ADGRF1: variants seen among roughly 807,000 people sequenced by gnomAD.
The protein encoded by ADGRF1 is G protein-coupled receptor 110.
Under a neutral mutation model 87.2 loss-of-function variants are expected in ADGRF1, and 85 were observed. The ratio of observed to expected loss-of-function variants is 0.97; its 90% confidence interval spans 0.82 to 1.17. ADGRF1 has a LOEUF of 1.17. Ranked by LOEUF, ADGRF1 falls within the 50% of genes most tolerant of loss-of-function variation. ADGRF1 has a pLI of 0.00. For missense variants in ADGRF1, 1,169 were observed against 1,077.2 expected, an observed-to-expected ratio of 1.09 and a Z score of -1.19; for synonymous variants, 430 against 408.8, an observed-to-expected ratio of 1.05 and a Z score of -0.63.
intron 1 of ADGRF1, among the ~76,000 whole-genome samples, chr6:47,032,175 A>C (rs1780450559): frequency 6.6e-6 from 1 of 152,160 alleles, no homozygotes; most frequent in Non-Finnish European, 1.5e-5. Flanking sequence ...TCCTCCTTAA[A>C]AAAATAAAAA....
At chr6:47,042,155 C>A (rs1402298261) in intron 1 of ADGRF1, 36 bp downstream of exon 1, 2 of 152,022 alleles carry the variant, frequency 1.3e-5, no homozygotes. Flanking sequence ...TCGTAATACA[C>A]GTTCTTAGTA....
At chr6:47,020,129 A>G (rs189407779) in intron 7 of ADGRF1, 75 of 1,055,112 alleles carry the variant, frequency 7.1e-5, no homozygotes, top group Non-Finnish European at 8.0e-6. Flanking sequence ...CCTTCTTTCA[A>G]GTTTCTGCCC....
chr6:47,037,260 T>C (rs1167797834), intron 1 of ADGRF1, among the ~76,000 whole-genome samples: 1 of 152,196 alleles, frequency 6.6e-6, no homozygotes, highest in Admixed American at 6.5e-5. Context: ...TACTGACCAT[T>C]TGTATTTTTT....
intron 11 of ADGRF1, 41 bp downstream of exon 11, chr6:47,008,904 A>C (rs913812506): frequency 2.6e-6 from 4 of 1,519,686 alleles, no homozygotes; most frequent in Middle Eastern, 1.8e-4. Flanking sequence ...TACTTATTCC[A>C]ATCACTTGAC....
At chr6:47,014,540 G>T in intron 9 of ADGRF1, 141 bp downstream of exon 9, 1 of 1,450,206 alleles carries the variant, frequency 6.9e-7, no homozygotes, top group Non-Finnish European at 9.1e-7. Context: ...GGTTCACCAG[G>T]GTCTGATGTC....
intron 9 of ADGRF1, chr6:47,013,348 C>G (rs1193531887): frequency 1.0e-6 from 1 of 985,554 alleles, no homozygotes; most frequent in Non-Finnish European, 1.2e-6. Context: ...ACCCCAGAAT[C>G]TAATCCCCTT....
At chr6:47,016,114 T>A (rs1779867923) in intron 8 of ADGRF1, among the ~76,000 whole-genome samples, 1 of 152,202 alleles carries the variant, frequency 6.6e-6, no homozygotes, top group Non-Finnish European at 1.5e-5. Context: ...AGTAAATATT[T>A]ATAGAATAAA....
At chr6:47,031,351 GTCTCTCTCTCTCTC>G (rs374462680) in intron 1 of ADGRF1, among the ~76,000 whole-genome samples, 2 of 110,680 alleles carry the variant, frequency 1.8e-5, no homozygotes, top group East Asian at 2.6e-4. Context: ...CTCTCTCTCT[GTCTCTCTCTCTCTC>G]TCTCTCTCTC....
intron 7 of ADGRF1, chr6:47,018,702 A>G: frequency 1.5e-6 from 1 of 674,526 alleles, no homozygotes. Context: ...ATTTGAGGCC[A>G]GGAGTTCAAG....
intron 9 of ADGRF1, chr6:47,013,608 C>T (rs539612068): frequency 2.0e-6 from 2 of 985,410 alleles, no homozygotes; most frequent in South Asian, 4.7e-5. Context: ...TTCTGTCTTA[C>T]TTGTCTTAAT....
Position 47,012,111 on chromosome 6 carries a change from G to T in ADGRF1, c.1012C>A (p.Pro338Thr), listed in dbSNP as rs374646758. Reference sequence around the variant, plus strand: ...GCCAGATTCCCCACTGTGGTTGATGGGTTTTGCCGAATGATGACAGAAAGA... The same window carrying T: ...GCCAGATTCCCCACTGTGGTTGATGTGTTTTGCCGAATGATGACAGAAAGA... Reference protein sequence around the residue: ...QNLSVIIRQNPSTTVGNLASV... With the variant: ...QNLSVIIRQNTSTTVGNLASV... The change falls in exon 10 of 15, where the codon CCA becomes ACA. Residue 338 changes from proline to threonine, a missense_variant. Coordinates refer to ENST00000371253, the MANE Select transcript of ADGRF1 (RefSeq NM_153840.4). The T allele has an allele frequency of 5.6e-6, 9 of 1,613,968 alleles. No homozygotes were observed. In the African/African-American group the frequency reaches 1.1e-4, roughly 19 times the overall value.
intron 9 of ADGRF1, chr6:47,014,442 C>A (rs1181786545): frequency 8.1e-7 from 1 of 1,241,904 alleles, no homozygotes; most frequent in East Asian, 3.8e-5. Flanking sequence ...TCCACAACAC[C>A]TCTGCCTGAC....
In ADGRF1 at chr6:46,999,660, A is replaced by G. The variant is rs1280115106; in HGVS notation, c.*562T>C. ...ACAAAGCTATCTGAAATAGAAGTTT[A>G]CATTTTATTTCTGATTAACTTTCAA... On this transcript the variant is annotated 3_prime_UTR_variant, in exon 15 of 15. Transcript: ENST00000371253. The G allele has an allele frequency of 6.6e-6, 1 of 152,554 alleles. No individual in the cohort carries two copies. Among genetic ancestry groups the G allele is most frequent in the Non-Finnish European group, 1.5e-5 (1 of 68,304 alleles). 9.5% of individuals were successfully genotyped at this position (152,554 alleles called of 1,614,324 possible).
chr6:47,011,849 G>C (rs1028603149), intron 10 of ADGRF1, among the ~76,000 whole-genome samples, 158 bp downstream of exon 10: 3 of 152,122 alleles, frequency 2.0e-5, no homozygotes, highest in African/African-American at 7.2e-5. Flanking sequence ...TATTGATCCC[G>C]AGTTCCTTGT....
At chr6:47,031,255 G>A (rs113249473) in intron 1 of ADGRF1, among the ~76,000 whole-genome samples, 2,754 of 151,190 alleles carry the variant, frequency 0.018, 81 homozygotes, top group African/African-American at 0.063. Flanking sequence ...TGCTCACTCT[G>A]TGTCTCTCTC....
chr6:47,018,700 C>T (rs1779951786), intron 7 of ADGRF1: 1 of 740,162 alleles, frequency 1.4e-6, no homozygotes, highest in Non-Finnish European at 2.0e-6. Flanking sequence ...TCATTTGAGG[C>T]CAGGAGTTCA....
At chr6:47,021,753 A>T (rs1417143020) in intron 6 of ADGRF1, among the ~76,000 whole-genome samples, 1 of 152,202 alleles carries the variant, frequency 6.6e-6, no homozygotes, top group Non-Finnish European at 1.5e-5. Flanking sequence ...AACACAAGAG[A>T]AGTGCAAAGA....
At position 47,008,932 on chromosome 6, in the gene ADGRF1, T is replaced by C. The variant is rs1779607287; in HGVS notation, c.2490+13A>G. On this transcript the variant is annotated intron_variant, in intron 11 of 14. Coordinates refer to ENST00000371253, the MANE Select transcript of ADGRF1 (RefSeq NM_153840.4). ...CACTTGACAATACAATAGGTTATTG[T>C]TACTGTTCTCACCTGGAATGCATTG... is the stretch of plus-strand genomic sequence containing the variant. The C allele has an allele frequency of 6.4e-7, 1 of 1,567,018 alleles. No individual in the cohort carries two copies. Among genetic ancestry groups the C allele is most frequent in the Admixed American group, 1.8e-5 (1 of 55,644 alleles).
At chr6:47,019,497 C>T (rs972075609) in intron 7 of ADGRF1, 5 of 393,346 alleles carry the variant, frequency 1.3e-5, no homozygotes, top group African/African-American at 1.1e-4. Context: ...TCCTGGCTAA[C>T]ACGGTGAAAC....
Sources: gnomAD v4.1 joint callset for allele counts (sites outside exome capture counted in the v4.1 genomes callset) on GRCh38, gnomAD v4.1.1 for gene constraint, MANE v1.5 for transcripts, NCBI Gene and HGNC (gene_info 2026-07-23, HGNC 2026-07-21) for gene names.